Variants in ANKRD18B observed in about 807,000 individuals in gnomAD.
ANKRD18B encodes the protein ankyrin repeat domain-containing protein 18B.
In ANKRD18B, 75 loss-of-function variants were observed where a neutral mutation model predicts 111.8. The ratio of observed to expected loss-of-function variants is 0.67; its 90% CI spans 0.56 to 0.81. The LOEUF (loss-of-function observed/expected upper bound fraction) is 0.81. ANKRD18B is among the 40% of genes least tolerant of loss of function. The pLI is 0.00. For synonymous variants in ANKRD18B, 356 were observed against 417.3 expected (o/e 0.85, Z 1.79); for missense variants, 1,038 against 1,225.5 (o/e 0.85, Z 2.28).
chr9:33,526,642 TA>T (rs2117960290), intron 1 of ANKRD18B, among the ~76,000 whole-genome samples: 1 of 152,158 alleles, frequency 6.6e-6, no homozygotes, highest in Admixed American at 6.5e-5. Context: ...AATTTCTCAC[TA>T]TTTTTTATCA....
downstream of ANKRD18B, among the ~76,000 whole-genome samples, chr9:33,573,576 C>A (rs1253155175): frequency 6.9e-6 from 1 of 144,944 alleles, no homozygotes; most frequent in African/African-American, 2.4e-5. Flanking sequence ...GAGGGCCTTG[C>A]GGGGTGAGTG....
rs1402245110 is a variant in ANKRD18B, at chr9:33,528,847, T to C, written c.321+6T>C. 4.4e-6 allele frequency: 7 copies of C among 1,598,278 alleles called. No individual in the cohort carries two copies. Among genetic ancestry groups the C allele is most frequent in the African/African-American group, 1.3e-5 (1 of 74,604 alleles). On this transcript the variant is annotated splice_donor_region_variant and intron_variant, in intron 2 of 18. Coordinates refer to ENST00000684830, the MANE Select transcript of ANKRD18B (RefSeq NM_001393611.1). ...ACAGGACACCTTTAATGAAGGTATA[T>C]AGTAGCCAACTCAGCATGAAATGGA...
At chr9:33,566,909 A>T in intron 15 of ANKRD18B, 194 bp from the exon 16 acceptor site, 1 of 581,672 alleles carries the variant, frequency 1.7e-6, no homozygotes, top group Non-Finnish European at 2.9e-6. Flanking sequence ...TATGATTCCA[A>T]ATTTTTATAA....
chr9:33,527,447 G>A (rs35462242), intron 1 of ANKRD18B, among the ~76,000 whole-genome samples: 37,195 of 151,830 alleles, frequency 0.24, 4,591 homozygotes, highest in Middle Eastern at 0.3. Context: ...TCAGCCTCCC[G>A]AGTAGCTGGG....
At chr9:33,563,480 G>A (rs1828637132) in intron 14 of ANKRD18B, among the ~76,000 whole-genome samples, 1 of 151,704 alleles carries the variant, frequency 6.6e-6, no homozygotes, top group Non-Finnish European at 1.5e-5. Context: ...GGCTGTCTTT[G>A]TGGACTGATC....
intron 3 of ANKRD18B, among the ~76,000 whole-genome samples, chr9:33,532,526 C>T (rs1828132499): frequency 6.6e-6 from 1 of 152,178 alleles, no homozygotes; most frequent in African/African-American, 2.4e-5. Flanking sequence ...TTTCACTGGT[C>T]TCTCTTACAC....
chr9:33,536,301 T>A (rs1249968585), intron 5 of ANKRD18B, among the ~76,000 whole-genome samples: 1 of 152,196 alleles, frequency 6.6e-6, no homozygotes, highest in African/African-American at 2.4e-5. Flanking sequence ...ATAGAACTAA[T>A]AACCAAAATT....
rs562504197 is a variant in ANKRD18B at position 33,536,531 on chromosome 9, T to C, written c.741-347T>C. 2.6e-5 allele frequency among the ~76,000 whole-genome samples: 4 copies of C among 152,340 alleles called. No individual in the cohort carries two copies. In the East Asian group the frequency reaches 7.7e-4, roughly 29 times the overall value. ...GTCAAGTAGTAAAACCTTGATTTTTTAGAAGAAGCCATGGAGGCTAAGAGA... is the reference window on the plus strand; with the variant it reads ...GTCAAGTAGTAAAACCTTGATTTTTCAGAAGAAGCCATGGAGGCTAAGAGA... On this transcript the variant is annotated intron_variant, in intron 5 of 18. Coordinates refer to ENST00000684830, the MANE Select transcript of ANKRD18B (RefSeq NM_001393611.1).
intron 13 of ANKRD18B, 38 bp downstream of exon 13, chr9:33,555,858 G>C (rs1828518428): frequency 8.1e-7 from 1 of 1,233,008 alleles, no homozygotes; most frequent in Non-Finnish European, 1.1e-6. Flanking sequence ...TAGCCATTTA[G>C]TAATTGATTT....
In ANKRD18B at chr9:33,566,331, A is replaced by G; in HGVS notation, c.2573A>G (p.Lys858Arg). ...TTATCTATGGGAAAAGTACAAGAGAAATGTGAAAAACTTGAGAAGGATAAA... is the reference window on the plus strand; with the variant it reads ...TTATCTATGGGAAAAGTACAAGAGAGATGTGAAAAACTTGAGAAGGATAAA... ...ELLSMGKVQEKCEKLEKDKKM... is the reference protein window; with the variant it reads ...ELLSMGKVQERCEKLEKDKKM... Residue 858 changes from lysine to arginine, a missense_variant, in exon 15 of 19, where the codon AAA (lysine) becomes AGA (arginine). Around this residue, in one of 4 missense-constraint regions of ANKRD18B, gnomAD observed 524 missense variants for 677.9 expected, o/e 0.77. Coordinates refer to ENST00000684830, the MANE Select transcript of ANKRD18B (RefSeq NM_001393611.1). 6.4e-7 allele frequency: 1 copy of G among 1,565,424 alleles called. No homozygotes were observed. The highest frequency in any genetic ancestry group is 8.7e-7 in the Non-Finnish European group (1 of 1,152,208).
At chr9:33,541,960 C>T (rs1042023283) in intron 9 of ANKRD18B, among the ~76,000 whole-genome samples, 40 of 152,234 alleles carry the variant, frequency 2.6e-4, no homozygotes, top group Admixed American at 1.3e-3. Context: ...CAAAAACATA[C>T]GCTCTGGGAG....
chr9:33,542,368 CCT>C (rs1305330803), intron 9 of ANKRD18B, among the ~76,000 whole-genome samples: 1 of 122,902 alleles, frequency 8.1e-6, no homozygotes, highest in East Asian at 2.2e-4. Flanking sequence ...GAATTTTGAG[CCT>C]TTTTTCCTTT....
chr9:33,541,099 G>A (rs1828271610), intron 8 of ANKRD18B, 48 bp from the exon 9 acceptor site: 1 of 1,535,822 alleles, frequency 6.5e-7, no homozygotes, highest in Non-Finnish European at 8.8e-7. Context: ...GAGGCAGAGG[G>A]ATGATGTTTT....
chr9:33,542,035 T>A (rs899603412), intron 9 of ANKRD18B, among the ~76,000 whole-genome samples: 2 of 151,942 alleles, frequency 1.3e-5, no homozygotes, highest in African/African-American at 4.8e-5. Flanking sequence ...CCTCTTTTAA[T>A]CTGGTGAATC....
Position 33,568,887 on chromosome 9 carries a change from G to A in ANKRD18B, c.3171G>A (p.Leu1057=), listed in dbSNP as rs752019118. 65 of 1,547,040 alleles carry A rather than the reference G, an allele frequency of 4.2e-5. No individual in the cohort carries two copies. Among genetic ancestry groups the A allele is most frequent in the Middle Eastern group, 3.4e-4 (2 of 5,818 alleles). Residue 1057 remains leucine, a synonymous_variant, in exon 17 of 19, where the codon TTG becomes TTA. Transcript: ENST00000684830. Reference sequence around the variant, plus strand: ...CTTCAAATAACTGCAAGAACTCCTTGACTGAGGTTAGTTATATGACCATTT... The same window carrying A: ...CTTCAAATAACTGCAAGAACTCCTTAACTGAGGTTAGTTATATGACCATTT... ...PQTSNNCKNS[L]TEMELDCAEQ... is the part of the protein sequence containing the mutation.
intron 16 of ANKRD18B, among the ~76,000 whole-genome samples, chr9:33,567,701 A>G (rs1202144662): frequency 8.5e-5 from 13 of 152,180 alleles, no homozygotes; most frequent in Non-Finnish European, 1.9e-4. Flanking sequence ...TCACAACCTG[A>G]ACCCAAAGTG....
intron 16 of ANKRD18B, among the ~76,000 whole-genome samples, chr9:33,568,262 G>A (rs1338110127): frequency 6.6e-6 from 1 of 152,174 alleles, no homozygotes; most frequent in Non-Finnish European, 1.5e-5. Context: ...ATTATTTATA[G>A]TGAAGTAGTT....
Position 33,548,143 on chromosome 9 carries a change from CA to C in ANKRD18B, c.1362del (p.Val455TrpfsTer11), listed in dbSNP as rs745540260. ...GTAAGACTCAATGAAGAAATGATAACAAAAAAAGTGGCCCAGTATTCGCAAC... is the reference window on the plus strand; with the variant it reads ...GTAAGACTCAATGAAGAAATGATAACAAAAAAGTGGCCCAGTATTCGCAAC... Reference protein sequence around the residue: ...KSVRLNEEMITKKVAQYSQQL... With the variant: ...KSVRLNEEMIXKKVAQYSQQL... On this transcript the variant is annotated frameshift_variant, in exon 11 of 19. Transcript: ENST00000684830. LOFTEE classifies it high-confidence loss of function. 7.8e-6 allele frequency: 12 copies of C among 1,533,342 alleles called. No homozygotes were observed. In the Admixed American group the frequency reaches 1.1e-4, roughly 14 times the overall value. 95.0% of individuals were successfully genotyped at this position (1,533,342 alleles called of 1,614,324 possible).
At chr9:33,552,235 T>G (rs920151769) in intron 12 of ANKRD18B, among the ~76,000 whole-genome samples, 12 of 152,252 alleles carry the variant, frequency 7.9e-5, no homozygotes, top group Non-Finnish European at 1.0e-4. Flanking sequence ...GGAGAATTGT[T>G]CAATCAAGTG....
Sources: gnomAD v4.1 joint callset for allele counts (sites outside exome capture counted in the v4.1 genomes callset) on GRCh38, gnomAD v4.1.1 for gene constraint, gnomAD v4.1.1 regional missense constraint, MANE v1.5 for transcripts, NCBI Gene and HGNC (gene_info 2026-07-23, HGNC 2026-07-21) for gene names.